The following PPP2R1B variants were observed in gnomAD, a reference collection of about 807,000 sequenced individuals.
The protein encoded by PPP2R1B is protein phosphatase 2 scaffold subunit Abeta.
PPP2R1B carries 58 observed loss-of-function variants against 72.7 expected under a neutral mutation model. That is an observed-to-expected ratio of 0.80 (90% CI 0.65 to 0.99). The LOEUF (loss-of-function observed/expected upper bound fraction) is 0.99. Ranked by LOEUF, PPP2R1B falls within the 50% of genes least tolerant of loss-of-function variation. PPP2R1B has a pLI of 0.00. For synonymous variants in PPP2R1B, 256 were observed against 264.6 expected (o/e 0.97, Z 0.32); for missense variants, 695 against 733.6 (o/e 0.95, Z 0.61).
At chr11:111,720,469 C>T in the PPP2R1B span, 6 of 1,591,148 alleles carry the variant, frequency 3.8e-6, no homozygotes, top group Middle Eastern at 6.7e-4. Flanking sequence ...GTTCTGTTTT[C>T]TCTTAAAGGG....
At chr11:111,719,013 G>A in the PPP2R1B span, among the ~76,000 whole-genome samples, 1 of 152,174 alleles carries the variant, frequency 6.6e-6, no homozygotes, top group East Asian at 1.9e-4. Context: ...GCTGTGCTGC[G>A]CTCACCCCTG....
downstream of PPP2R1B, chr11:111,724,264 C>T: frequency 5.5e-6 from 7 of 1,281,984 alleles, no homozygotes; most frequent in Non-Finnish European, 6.3e-6. Context: ...CAACTGGAAT[C>T]AGAGGGTCTG....
chr11:111,754,649 T>G, intron 7 of PPP2R1B, 80 bp from the exon 8 acceptor site: 6 of 1,514,632 alleles, frequency 4.0e-6, no homozygotes, highest in Non-Finnish European at 4.4e-6. Flanking sequence ...ACCAGGTTTA[T>G]CAATAATTTC....
At chr11:111,704,878 C>A in the PPP2R1B span, 1 of 1,301,128 alleles carries the variant, frequency 7.7e-7, no homozygotes, top group South Asian at 1.5e-5. Flanking sequence ...TTGTTTTTCA[C>A]CCTATTTTTA....
In PPP2R1B at chr11:111,765,399, G is replaced by A; in HGVS notation, c.115-15C>T. On this transcript the variant is annotated splice_polypyrimidine_tract_variant and intron_variant, in intron 1 of 14. Transcript: ENST00000527614. ...TTGAGTCGGAGCTTCAGAAAAGAAA[G>A]TAGAAAGAAGAACAATGTAAAGAAA... 2 of 1,586,150 alleles carry A rather than the reference G, an allele frequency of 1.3e-6. No homozygotes were observed. The highest frequency in any genetic ancestry group is 1.7e-6 in the Non-Finnish European group (2 of 1,159,296).
At position 111,740,871 on chromosome 11, in the gene PPP2R1B, G is replaced by A. The variant is rs1332500180; in HGVS notation, c.*725C>T. 16 of 985,458 alleles carry A rather than the reference G, an allele frequency of 1.6e-5. No homozygotes were observed. Among genetic ancestry groups the A allele is most frequent in the Non-Finnish European group, 1.9e-5 (16 of 829,944 alleles). The allele number at this position is 985,458 out of a possible 1,614,324, so 61.0% of individuals were successfully genotyped here. On this transcript the variant is annotated 3_prime_UTR_variant, in exon 15 of 15. Coordinates refer to ENST00000527614, the MANE Select transcript of PPP2R1B (RefSeq NM_002716.5). Reference sequence around the variant, plus strand: ...ACTACAGTTAAAGCTTTTTAGAAAAGAGAGAGAAGTATTTTTAAATGTAGG... The same window carrying A: ...ACTACAGTTAAAGCTTTTTAGAAAAAAGAGAGAAGTATTTTTAAATGTAGG...
At chr11:111,694,669 TAGCATTACGTAAAAAGTAAAAAG>T in the PPP2R1B span, among the ~76,000 whole-genome samples, 1 of 152,226 alleles carries the variant, frequency 6.6e-6, no homozygotes, top group East Asian at 1.9e-4. Flanking sequence ...CTTCTGCCAC[TAGCATTACGTAAAAAGTAAAAAG>T]AGCTTTACAT....
At chr11:111,692,033 T>C in the PPP2R1B span, among the ~76,000 whole-genome samples, 1 of 151,686 alleles carries the variant, frequency 6.6e-6, no homozygotes, top group African/African-American at 2.4e-5. Flanking sequence ...TGTGGCAGGA[T>C]TGGGGATCGG....
the PPP2R1B span, among the ~76,000 whole-genome samples, chr11:111,710,603 C>T: frequency 6.6e-6 from 1 of 152,190 alleles, no homozygotes; most frequent in Admixed American, 6.5e-5. Context: ...TTCTTACATT[C>T]TTGTGATCAT....
chr11:111,766,026 C>T (rs931854390), intron 1 of PPP2R1B: 3 of 593,038 alleles, frequency 5.1e-6, no homozygotes, highest in Non-Finnish European at 9.2e-6. Context: ...TCCGGGCGGA[C>T]GCCTCAGGGG....
chr11:111,702,505 C>T, the PPP2R1B span, among the ~76,000 whole-genome samples: 1 of 152,134 alleles, frequency 6.6e-6, no homozygotes, highest in African/African-American at 2.4e-5. Flanking sequence ...AGAAGGATTG[C>T]TTACAGTGAG....
chr11:111,706,248 A>G, the PPP2R1B span, among the ~76,000 whole-genome samples: 1 of 152,234 alleles, frequency 6.6e-6, no homozygotes, highest in Non-Finnish European at 1.5e-5. Context: ...TGTTATATAA[A>G]GTAATAAATA....
chr11:111,729,597 T>A (rs766988485), intron 15 of PPP2R1B: 1 of 152,268 alleles, frequency 6.6e-6, no homozygotes, highest in African/African-American at 2.4e-5. Flanking sequence ...CTTCTAGTGC[T>A]GGAAGAAGCC....
chr11:111,743,469 T>G lies in PPP2R1B; in HGVS notation c.1461A>C (p.Thr487=). The G allele has an allele frequency of 6.2e-7, 1 of 1,614,120 alleles. No individual in the cohort carries two copies. Residue 487 remains threonine, a synonymous_variant, in exon 12 of 15, where the codon ACA becomes ACC. Coordinates refer to ENST00000527614, the MANE Select transcript of PPP2R1B (RefSeq NM_002716.5). ...NLMKLVQKFG[T]EWAQNTIVPK... is the part of the protein sequence containing the mutation. ...GAACAATAGTATTTTGGGCCCACTC[T>G]GTACCAAACTTCTGAACTAGTTTCA...
the PPP2R1B span, chr11:111,721,730 T>C: frequency 2.3e-5 from 18 of 774,394 alleles, no homozygotes; most frequent in East Asian, 4.3e-4. Context: ...CTCAGTGGAG[T>C]TGGTATTCCT....
the PPP2R1B span, chr11:111,712,451 T>C: frequency 2.7e-5 from 40 of 1,467,730 alleles, no homozygotes; most frequent in Non-Finnish European, 3.6e-5. Context: ...TGTTGTACTT[T>C]GGCTTTATTG....
chr11:111,722,833 C>G, downstream of PPP2R1B: 1 of 1,371,460 alleles, frequency 7.3e-7, no homozygotes, highest in Non-Finnish European at 1.0e-6. The surrounding 1 kb of genome is among the most constrained non-coding windows in gnomAD (Gnocchi z 4.4). Context: ...TTGTCCTTTT[C>G]CTCTCACATT....
rs1464991172 is a variant in PPP2R1B, at chr11:111,748,001, A to C, written c.1352T>G (p.Phe451Cys). 1.9e-6 allele frequency: 3 copies of C among 1,613,134 alleles called. No homozygotes were observed. In the African/African-American group the frequency reaches 4.0e-5, roughly 22 times the overall value. ...ACATAAAGAATTCAGCTTTTCATCA[A>C]AGAATTCCACACCCTACAGATACAG... ...LLAGQLGVEF[F>C]DEKLNSLCMA... Residue 451 changes from phenylalanine (F) to cysteine (C), a missense_variant, in exon 11 of 15, where the codon TTT (phenylalanine) becomes TGT (cysteine). By Grantham distance (205) the Phe-to-Cys change is radical. Coordinates refer to ENST00000527614, the MANE Select transcript of PPP2R1B (RefSeq NM_002716.5).
the PPP2R1B span, among the ~76,000 whole-genome samples, chr11:111,697,838 G>A: frequency 6.6e-6 from 1 of 151,824 alleles, no homozygotes; most frequent in East Asian, 1.9e-4. Context: ...CCAAAAAAAG[G>A]AAAAGAAAAA....
Sources: gnomAD v4.1 joint callset for allele counts (sites outside exome capture counted in the v4.1 genomes callset) on GRCh38, gnomAD v4.1.1 for gene constraint, Gnocchi (gnomAD v3.1) non-coding constraint, MANE v1.5 for transcripts, NCBI Gene and HGNC (gene_info 2026-07-23, HGNC 2026-07-21) for gene names.